The following METRNL variants were observed in gnomAD, a reference collection of about 807,000 sequenced individuals.
METRNL encodes meteorin like, glial cell differentiation regulator, also known as meteorin-like protein.
METRNL carries 9 observed loss-of-function variants against 17.4 expected under a neutral mutation model. The ratio of observed to expected loss-of-function variants is 0.52; its 90% CI spans 0.31 to 0.90. The LOEUF is 0.90. Ranked by LOEUF, METRNL falls within the 40% of genes least tolerant of loss-of-function variation. METRNL has a pLI of 0.05. For missense variants in METRNL, 408 were observed against 430.7 expected (o/e 0.95, Z 0.47); for synonymous variants, 215 against 199.3 (o/e 1.08, Z -0.66).
At chr17:83,088,950 C>G (rs918365079) in intron 2 of METRNL, among the ~76,000 whole-genome samples, 11 of 152,134 alleles carry the variant, frequency 7.2e-5, no homozygotes, top group Non-Finnish European at 1.5e-4. Context: ...CTGCTTGGTG[C>G]CTTCTCTCCG....
chr17:83,091,651 T>C (rs2038138702), intron 2 of METRNL, among the ~76,000 whole-genome samples: 1 of 152,198 alleles, frequency 6.6e-6, no homozygotes, highest in Admixed American at 6.5e-5. Flanking sequence ...ACAGCTCAGC[T>C]CACTTCAGCC....
At chr17:83,080,732 C>A (rs2037975764) in intron 1 of METRNL, among the ~76,000 whole-genome samples, 1 of 150,680 alleles carries the variant, frequency 6.6e-6, no homozygotes, top group African/African-American at 2.4e-5. Context: ...GCCGAACCCG[C>A]CCTGCGCGAG....
At chr17:83,091,275 T>A (rs1008624214) in intron 2 of METRNL, among the ~76,000 whole-genome samples, 6 of 152,238 alleles carry the variant, frequency 3.9e-5, no homozygotes, top group African/African-American at 1.4e-4. Flanking sequence ...TGCAGTTTCT[T>A]TTTCCTGATA....
In METRNL at chr17:83,084,984, C is replaced by G; in HGVS notation, c.217C>G (p.Leu73Val). 1 of 1,613,860 alleles carries G rather than the reference C, an allele frequency of 6.2e-7. No homozygotes were observed. The highest frequency in any genetic ancestry group is 8.5e-7 in the Non-Finnish European group (1 of 1,180,000). The part of the protein sequence containing the change: ...AHRKEVEQVY[L>V]RCAAGAVEWM... ...CAGGAAGGAGGTGGAGCAGGTGTAT[C>G]TGCGCTGTGCGGCGGGTGCCGTGGA... is the stretch of plus-strand genomic sequence containing the variant. Residue 73 changes from leucine (L) to valine (V), a missense_variant, in exon 2 of 4, where the codon CTG becomes GTG. By Grantham distance (32) the Leu-to-Val change is conservative. Coordinates refer to ENST00000320095, the MANE Select transcript of METRNL (RefSeq NM_001004431.3).
intron 2 of METRNL, among the ~76,000 whole-genome samples, chr17:83,091,186 T>TCAG (rs1475375310): frequency 4.0e-5 from 6 of 151,602 alleles, no homozygotes; most frequent in Non-Finnish European, 8.8e-5. Flanking sequence ...CTCAAGGTGC[T>TCAG]CAGCAGTGCC....
chr17:83,089,427 G>A (rs1478735585), intron 2 of METRNL, among the ~76,000 whole-genome samples: 2 of 152,248 alleles, frequency 1.3e-5, no homozygotes, highest in East Asian at 1.9e-4. Context: ...ACCGGTCGGT[G>A]TCTGTCATTC....
intron 2 of METRNL, among the ~76,000 whole-genome samples, chr17:83,090,065 C>T (rs188375780): frequency 9.2e-5 from 14 of 151,970 alleles, no homozygotes; most frequent in South Asian, 2.1e-4. Flanking sequence ...CATACCCTCA[C>T]GCGCCCAGGC....
chr17:83,092,611 C>T (rs1173385937), intron 2 of METRNL: 1 of 39,574 alleles, frequency 2.5e-5, no homozygotes, highest in Non-Finnish European at 4.6e-5. Context: ...CTCCCGGCGC[C>T]GTGGGCTGTG....
chr17:83,082,539 G>A (rs1254990579), intron 1 of METRNL, among the ~76,000 whole-genome samples: 1 of 152,210 alleles, frequency 6.6e-6, no homozygotes, highest in Non-Finnish European at 1.5e-5. Flanking sequence ...AAAGTTGAAC[G>A]AACCACGGTT....
intron 2 of METRNL, among the ~76,000 whole-genome samples, chr17:83,091,581 T>C (rs1160393350): frequency 6.6e-6 from 1 of 152,202 alleles, no homozygotes; most frequent in Non-Finnish European, 1.5e-5. Context: ...TGTGCTGCCC[T>C]GTCCCCTGGG....
At chr17:83,091,212 C>T (rs1005631967) in intron 2 of METRNL, among the ~76,000 whole-genome samples, 5 of 151,636 alleles carry the variant, frequency 3.3e-5, no homozygotes, top group East Asian at 2.0e-4. Flanking sequence ...GGACCGGCCT[C>T]GAGGCGCCCC....
chr17:83,089,107 C>A (rs529836092), intron 2 of METRNL, among the ~76,000 whole-genome samples: 1 of 152,268 alleles, frequency 6.6e-6, no homozygotes, highest in Admixed American at 6.5e-5. Flanking sequence ...CGGGGCACCC[C>A]AGCAATGGAC....
intron 1 of METRNL, among the ~76,000 whole-genome samples, chr17:83,080,568 C>CCT (rs2037972192): frequency 8.3e-6 from 1 of 120,850 alleles, no homozygotes; most frequent in Non-Finnish European, 1.9e-5. Flanking sequence ...CTGGGCGACC[C>CCT]CCCCCCCCCC....
intron 1 of METRNL, among the ~76,000 whole-genome samples, chr17:83,080,481 C>T (rs1400950344): frequency 1.4e-5 from 2 of 142,880 alleles, no homozygotes; most frequent in Non-Finnish European, 3.0e-5. Context: ...GTGAGCCGGG[C>T]CGAGTGTGGC....
intron 2 of METRNL, among the ~76,000 whole-genome samples, chr17:83,088,181 C>A (rs2038074753): frequency 6.6e-6 from 1 of 152,232 alleles, no homozygotes; most frequent in Admixed American, 6.5e-5. Flanking sequence ...GCACCAGCCG[C>A]CTCTGCAGGC....
intron 2 of METRNL, among the ~76,000 whole-genome samples, chr17:83,085,848 G>C (rs941467554): frequency 1.3e-5 from 2 of 152,350 alleles, no homozygotes; most frequent in Middle Eastern, 3.4e-3. Flanking sequence ...TGTGGTGTCG[G>C]CTAAAGACCC....
intron 1 of METRNL, among the ~76,000 whole-genome samples, chr17:83,080,947 G>A (rs573457110): frequency 6.6e-6 from 1 of 151,434 alleles, no homozygotes; most frequent in Non-Finnish European, 1.5e-5. Flanking sequence ...GGGCAGAGCC[G>A]GTGCGGGGCG....
chr17:83,081,102 A>T (rs1422590845), intron 1 of METRNL, among the ~76,000 whole-genome samples: 3 of 151,126 alleles, frequency 2.0e-5, no homozygotes, highest in Admixed American at 6.6e-5. Context: ...AGTCGCCCCG[A>T]GGGCCGTGGG....
rs2038182951 is a variant in METRNL, at chr17:83,094,683, C to T, written c.*108C>T. 4.4e-6 allele frequency: 4 copies of T among 906,758 alleles called. No homozygotes were observed. Among genetic ancestry groups the T allele is most frequent in the Non-Finnish European group, 6.0e-6 (4 of 671,432 alleles). 56.2% of individuals were successfully genotyped at this position (906,758 alleles called of 1,614,324 possible). On this transcript the variant is annotated 3_prime_UTR_variant, in exon 4 of 4. Coordinates refer to ENST00000320095, the MANE Select transcript of METRNL (RefSeq NM_001004431.3). The stretch of plus-strand genomic sequence containing the variant: ...GGCCGCGCGCTGGGAGCCGCATGCC[C>T]TGGGCCCAGGCCTGACCCTGGTACC...
Sources: allele counts gnomAD v4.1 joint callset (sites outside exome capture counted in the v4.1 genomes callset), GRCh38; gene constraint gnomAD v4.1.1; transcripts MANE v1.5; gene names NCBI Gene and HGNC (gene_info 2026-07-23, HGNC 2026-07-21).